Variants in DCAF6 observed in about 807,000 individuals in gnomAD.
DCAF6 encodes the protein DDB1- and CUL4-associated factor 6.
In DCAF6, 54 loss-of-function variants were observed where a neutral mutation model predicts 125.1. The ratio of observed to expected loss-of-function variants is 0.43; its 90% CI spans 0.35 to 0.54. The LOEUF (loss-of-function observed/expected upper bound fraction) is 0.54, where lower values mean the gene tolerates loss of function less well. Ranked by LOEUF, DCAF6 falls within the 20% of genes least tolerant of loss-of-function variation. The probability of loss-of-function intolerance (pLI) is 0.01; values close to 1 mark genes in which losing one functional copy is unlikely to be tolerated. For missense variants in DCAF6, 934 were observed against 1,161.7 expected, an observed-to-expected ratio of 0.80 and a Z score of 2.85; for synonymous variants, 371 against 390.4, an observed-to-expected ratio of 0.95 and a Z score of 0.58.
chr1:167,998,338 CT>C (rs1189274978), intron 7 of DCAF6, among the ~76,000 whole-genome samples: 2 of 152,080 alleles, frequency 1.3e-5, no homozygotes, highest in African/African-American at 4.8e-5. Flanking sequence ...ATTCTTTTTG[CT>C]GGTGGAGGGG....
chr1:167,986,277 A>G (rs1303476326), intron 4 of DCAF6, among the ~76,000 whole-genome samples: 2 of 152,200 alleles, frequency 1.3e-5, no homozygotes, highest in African/African-American at 4.8e-5. Flanking sequence ...ATATTGATAC[A>G]TAGTTTTCCA....
chr1:168,054,492 T>C (rs1052501844), intron 17 of DCAF6, among the ~76,000 whole-genome samples: 3 of 152,178 alleles, frequency 2.0e-5, no homozygotes, highest in East Asian at 1.9e-4. Context: ...TACTGCCACA[T>C]TGGGGATTAA....
At chr1:167,906,365 TA>T in the DCAF6 span, among the ~76,000 whole-genome samples, 808 of 142,232 alleles carry the variant, frequency 5.7e-3, 5 homozygotes, top group Non-Finnish European at 8.5e-3. Context: ...AACTAAGGTT[TA>T]AAAAAAAAAA....
chr1:167,899,801 C>T, the DCAF6 span, among the ~76,000 whole-genome samples: 6 of 152,148 alleles, frequency 3.9e-5, no homozygotes, highest in African/African-American at 1.4e-4. Context: ...TCGGGCCTTC[C>T]AAAGCTCCCC....
rs745394186 is a variant in DCAF6 at position 168,075,359 on chromosome 1, C to T, written c.2792-12C>T. 3 of 1,588,038 alleles carry T rather than the reference C, an allele frequency of 1.9e-6. No individual in the cohort carries two copies. The South Asian group carries it at 3.6e-5, about 19-fold the overall frequency. ...GTATTTCTCTTTGCGATTCTCTTAT[C>T]TGTGTTTCCAGACCGGTTGGAGGGT... On this transcript the variant is annotated splice_polypyrimidine_tract_variant and intron_variant, in intron 21 of 21. Transcript: ENST00000367840.
At chr1:168,016,919 A>G (rs536806917) in intron 11 of DCAF6, among the ~76,000 whole-genome samples, 1 of 152,214 alleles carries the variant, frequency 6.6e-6, no homozygotes, top group Admixed American at 6.5e-5. Context: ...TTTGGAACTA[A>G]TTTATATATT....
intron 5 of DCAF6, among the ~76,000 whole-genome samples, chr1:167,990,694 C>T (rs1483772363): frequency 6.6e-6 from 1 of 151,896 alleles, no homozygotes; most frequent in Non-Finnish European, 1.5e-5. Context: ...GGATTATTAC[C>T]ATCTTTTTGT....
At chr1:168,065,825 T>A (rs2101976966) in intron 19 of DCAF6, 79 bp downstream of exon 19, 1 of 1,322,028 alleles carries the variant, frequency 7.6e-7, no homozygotes, top group Admixed American at 2.2e-5. Context: ...CTTTTTTAAT[T>A]GTTAATATTA....
chr1:168,073,655 A>G (rs549447400), intron 21 of DCAF6, among the ~76,000 whole-genome samples: 59 of 152,238 alleles, frequency 3.9e-4, no homozygotes, highest in African/African-American at 1.4e-3. Flanking sequence ...AATTTGAGTA[A>G]GAAGCCTGCC....
the DCAF6 span, among the ~76,000 whole-genome samples, chr1:167,885,333 G>A: frequency 1.3e-5 from 2 of 152,124 alleles, no homozygotes; most frequent in East Asian, 3.8e-4. Flanking sequence ...TTGTATGGTA[G>A]CTCTATTTTT....
At chr1:167,885,906 G>A in the DCAF6 span, among the ~76,000 whole-genome samples, 4 of 152,208 alleles carry the variant, frequency 2.6e-5, no homozygotes, top group East Asian at 3.9e-4. Flanking sequence ...GAGCCACTGC[G>A]CCTGGCCTTA....
intron 3 of DCAF6, among the ~76,000 whole-genome samples, chr1:167,969,425 T>C (rs920889884): frequency 2.6e-5 from 4 of 152,216 alleles, no homozygotes; most frequent in African/African-American, 9.7e-5. Flanking sequence ...AGGTTAGGAT[T>C]ATGTTCTGAT....
intron 1 of DCAF6, among the ~76,000 whole-genome samples, chr1:167,938,814 A>C (rs1037873291): frequency 6.6e-6 from 1 of 152,176 alleles, no homozygotes; most frequent in Non-Finnish European, 1.5e-5. Context: ...ATTAAAATAT[A>C]ACAAAACCAT....
chr1:167,904,979 C>T, the DCAF6 span: 3 of 1,614,050 alleles, frequency 1.9e-6, no homozygotes, highest in African/African-American at 1.3e-5. Flanking sequence ...AACAAACATC[C>T]CTTTTGCACT....
chr1:167,894,592 G>A, the DCAF6 span, among the ~76,000 whole-genome samples: 5 of 151,972 alleles, frequency 3.3e-5, no homozygotes, highest in African/African-American at 1.2e-4. Context: ...GTTTTCAGCA[G>A]GGAAGAAAAT....
intron 2 of DCAF6, among the ~76,000 whole-genome samples, chr1:167,954,538 C>T (rs1054213171): frequency 3.9e-5 from 6 of 152,058 alleles, no homozygotes; most frequent in Middle Eastern, 3.4e-3. Flanking sequence ...CTGCAAGCTC[C>T]GCCTCCCGGA....
At chr1:168,075,095 C>G (rs762122649) in intron 21 of DCAF6, among the ~76,000 whole-genome samples, 1 of 152,194 alleles carries the variant, frequency 6.6e-6, no homozygotes. Context: ...AACCTAGACT[C>G]CAAAGAACAC....
chr1:168,063,939 A>G (rs1173530212), intron 18 of DCAF6, 180 bp downstream of exon 18: 1 of 500,644 alleles, frequency 2.0e-6, no homozygotes, highest in Non-Finnish European at 3.2e-6. Context: ...AAAGATCATT[A>G]TTTTTTACAA....
the DCAF6 span, among the ~76,000 whole-genome samples, chr1:167,910,362 G>A: frequency 2.6e-5 from 4 of 152,214 alleles, no homozygotes; most frequent in Non-Finnish European, 5.9e-5. Context: ...GGAATGTGAG[G>A]AATGATGGCA....
Sources: gnomAD v4.1 joint callset for allele counts (sites outside exome capture counted in the v4.1 genomes callset) on GRCh38, gnomAD v4.1.1 for gene constraint, MANE v1.5 for transcripts, NCBI Gene and HGNC (gene_info 2026-07-23, HGNC 2026-07-21) for gene names.